Variants in XKR4 observed in about 807,000 individuals in gnomAD.
XKR4 encodes XK-related protein 4.
Under a neutral mutation model 53.9 loss-of-function variants are expected in XKR4, and 12 were observed. The observed-to-expected ratio is 0.22, with a 90% CI of 0.14 to 0.36. XKR4 has a LOEUF of 0.36. XKR4 is among the 10% of genes least tolerant of loss of function. The pLI, the probability that XKR4 is intolerant of heterozygous loss-of-function variation, is 1.00. For missense variants in XKR4, 799 were observed against 859.5 expected (o/e 0.93, Z 0.88); for synonymous variants, 354 against 362.4 (o/e 0.98, Z 0.26).
rs1807076131 is a variant in XKR4 at position 55,539,767 on chromosome 8, G to C, written c.*15540G>C. The C allele has an allele frequency of 6.6e-6, 1 of 152,134 alleles. No individual in the cohort carries two copies. The highest frequency in any genetic ancestry group is 6.5e-5 in the Admixed American group (1 of 15,274). The allele number at this position is 152,134 out of a possible 1,614,324, so 9.4% of individuals were successfully genotyped here. ...CCTTTTTGCTATAAAGGAAAATACTGTGTTTTTATTTGTTTTTGCAGAAGA... is the reference window on the plus strand; with the variant it reads ...CCTTTTTGCTATAAAGGAAAATACTCTGTTTTTATTTGTTTTTGCAGAAGA... On this transcript the variant is annotated 3_prime_UTR_variant, in exon 3 of 3. Transcript: ENST00000327381.
At chr8:55,441,493 T>A (rs1312831894) in intron 2 of XKR4, among the ~76,000 whole-genome samples, 1 of 152,170 alleles carries the variant, frequency 6.6e-6, no homozygotes, top group Non-Finnish European at 1.5e-5. Flanking sequence ...AAAAATGCAT[T>A]TTTTAAGCTT....
intron 2 of XKR4, among the ~76,000 whole-genome samples, chr8:55,501,868 T>A (rs943609261): frequency 6.6e-6 from 1 of 152,184 alleles, no homozygotes; most frequent in African/African-American, 2.4e-5. Flanking sequence ...CACGGGGGAC[T>A]GGTCCCAGGA....
chr8:55,289,610 AAAG>A (rs1314298202), intron 1 of XKR4, among the ~76,000 whole-genome samples: 3 of 132,524 alleles, frequency 2.3e-5, no homozygotes, highest in Admixed American at 7.6e-5. Flanking sequence ...AGAAAGAAAG[AAAG>A]AAAGAAAGAA....
intron 1 of XKR4, among the ~76,000 whole-genome samples, chr8:55,346,791 G>A (rs1269368649): frequency 6.6e-6 from 1 of 151,144 alleles, no homozygotes; most frequent in African/African-American, 2.4e-5. Context: ...GTTTAGTAAT[G>A]TTGTTTATTT....
At chr8:55,290,750 TTGAG>T (rs1819007329) in intron 1 of XKR4, among the ~76,000 whole-genome samples, 1 of 152,186 alleles carries the variant, frequency 6.6e-6, no homozygotes, top group African/African-American at 2.4e-5. Flanking sequence ...TTTTTTACCA[TTGAG>T]TAAGAAAATT....
intron 1 of XKR4, among the ~76,000 whole-genome samples, chr8:55,229,509 G>C (rs547888258): frequency 3.1e-4 from 47 of 152,380 alleles, no homozygotes; most frequent in African/African-American, 1.1e-3. Flanking sequence ...ATGCGCAGTT[G>C]TATGGCTGGA....
intron 2 of XKR4, among the ~76,000 whole-genome samples, chr8:55,455,481 G>A (rs1805556435): frequency 6.6e-6 from 1 of 152,178 alleles, no homozygotes; most frequent in African/African-American, 2.4e-5. Context: ...TTTGGTGCTA[G>A]AGGGGGCTGG....
chr8:55,514,986 T>C (rs942724049), intron 2 of XKR4, among the ~76,000 whole-genome samples: 2 of 152,224 alleles, frequency 1.3e-5, no homozygotes, highest in Non-Finnish European at 1.5e-5. Context: ...AATGGAGCTA[T>C]GTGAGATTAT....
At position 55,388,868 on chromosome 8, in the gene XKR4, C is replaced by T. The variant is rs183709352; in HGVS notation, c.1006+30991C>T. Among the ~76,000 whole-genome samples, 146 of 152,296 alleles carry T rather than the reference C, an allele frequency of 9.6e-4. 4 individuals carry two copies. Among genetic ancestry groups the T allele is most frequent in the Admixed American group, 1.0e-3 (16 of 15,300 alleles). On this transcript the variant is annotated intron_variant, in intron 2 of 2. Transcript: ENST00000327381. The stretch of plus-strand genomic sequence containing the variant: ...TAATGACACGTAATTGATGATCTCT[C>T]CACTAAGACTTCTGTTATGGGTTGA...
At chr8:55,443,530 TAAAAAAA>T (rs751152509) in intron 2 of XKR4, among the ~76,000 whole-genome samples, 21,383 of 73,790 alleles carry the variant, frequency 0.29, 2,051 homozygotes, top group Non-Finnish European at 0.34. Flanking sequence ...TCAGTTACAT[TAAAAAAA>T]AAAAAAAAAA....
chr8:55,480,337 G>C (rs144617821), intron 2 of XKR4, among the ~76,000 whole-genome samples: 2,251 of 152,246 alleles, frequency 0.015, 49 homozygotes, highest in African/African-American at 0.05. Context: ...AAACGCCTTT[G>C]ACAAAATTCA....
intron 2 of XKR4, among the ~76,000 whole-genome samples, chr8:55,443,530 T>TAAAAAAAAAAAAAAAAA (rs751152509): frequency 5.4e-5 from 4 of 74,010 alleles, no homozygotes; most frequent in Non-Finnish European, 6.9e-5. Context: ...TCAGTTACAT[T>TAAAAAAAAAAAAAAAAA]AAAAAAAAAA....
intron 1 of XKR4, among the ~76,000 whole-genome samples, chr8:55,228,722 CTTCT>C (rs1817991147): frequency 6.6e-6 from 1 of 152,144 alleles, no homozygotes; most frequent in African/African-American, 2.4e-5. Context: ...TCCTTCTGTT[CTTCT>C]TTATGTAGTA....
chr8:55,255,053 C>T (rs1470123244), intron 1 of XKR4, among the ~76,000 whole-genome samples: 3 of 152,212 alleles, frequency 2.0e-5, no homozygotes, highest in Admixed American at 6.5e-5. Flanking sequence ...AACAAATAGG[C>T]TTTTAATTAT....
chr8:55,127,057 G>A (rs1253790247), intron 1 of XKR4, among the ~76,000 whole-genome samples: 1 of 152,124 alleles, frequency 6.6e-6, no homozygotes, highest in Admixed American at 6.5e-5. Context: ...GATGAGTCCT[G>A]TGCTAGTGGG....
intron 2 of XKR4, among the ~76,000 whole-genome samples, chr8:55,388,828 T>C (rs955988506): frequency 1.3e-5 from 2 of 152,204 alleles, no homozygotes; most frequent in Non-Finnish European, 2.9e-5. Context: ...TATCCTCGGC[T>C]TACACTCAAG....
chr8:55,451,271 C>G (rs1479134006), intron 2 of XKR4: 2 of 585,504 alleles, frequency 3.4e-6, no homozygotes, highest in African/African-American at 1.9e-5. Flanking sequence ...AGACACTGCC[C>G]CCACTTACCT....
Position 55,274,384 on chromosome 8 carries a change from G to T in XKR4, c.807-83294G>T, listed in dbSNP as rs144482378. Among the ~76,000 whole-genome samples, 60 of 151,962 alleles carry T rather than the reference G, an allele frequency of 3.9e-4. No homozygotes were observed. The East Asian group carries it at 0.01, about 26-fold the overall frequency. ...AGCCTTCTCCCTATATCCTCATATG[G>T]TCATCTCTGTGTGTGCATATTTGTT... On this transcript the variant is annotated intron_variant, in intron 1 of 2. Transcript: ENST00000327381.
intron 1 of XKR4, among the ~76,000 whole-genome samples, chr8:55,254,373 T>C (rs1818405856): frequency 6.6e-6 from 1 of 152,132 alleles, no homozygotes. Context: ...TCACAATTGG[T>C]GCTCTCTTAT....
Sources: allele counts gnomAD v4.1 joint callset (sites outside exome capture counted in the v4.1 genomes callset), GRCh38; gene constraint gnomAD v4.1.1; transcripts MANE v1.5; gene names NCBI Gene and HGNC (gene_info 2026-07-23, HGNC 2026-07-21).